The following DAAM1 variants were observed in gnomAD, a reference collection of about 807,000 sequenced individuals.
DAAM1 encodes disheveled-associated activator of morphogenesis 1.
DAAM1 carries 52 observed loss-of-function variants against 130.0 expected under a neutral mutation model. That is an observed-to-expected ratio of 0.40 (90% CI 0.32 to 0.50). DAAM1 has a LOEUF of 0.50. Among genes scored for constraint, DAAM1 ranks in the 20% least tolerant of loss-of-function variants. DAAM1 has a pLI of 0.61. For missense variants in DAAM1, 1,134 were observed against 1,303.8 expected, an observed-to-expected ratio of 0.87 and a Z score of 2.01; for synonymous variants, 452 against 444.5, an observed-to-expected ratio of 1.02 and a Z score of -0.21.
At chr14:59,295,852 A>G (rs1883937239) in intron 3 of DAAM1, among the ~76,000 whole-genome samples, 1 of 152,206 alleles carries the variant, frequency 6.6e-6, no homozygotes, top group African/African-American at 2.4e-5. Context: ...AGGGAAGAGA[A>G]GTTAGATGTC....
rs756141604 is a variant in DAAM1 at position 59,291,293 on chromosome 14, G to A, written c.260G>A (p.Cys87Tyr). ...GCTGAGAAAAAATGGCAAATATACT[G>A]TAGCAAGAAAAAGGTAAGATTTTCA... is the stretch of plus-strand genomic sequence containing the variant. Reference protein sequence around the residue: ...LPAEKKWQIYCSKKKDQEENK... With the variant: ...LPAEKKWQIYYSKKKDQEENK... Residue 87 changes from cysteine (C) to tyrosine (Y), a missense_variant, in exon 3 of 25, where the codon TGT becomes TAT. Physicochemically the swap from Cys to Tyr is radical, Grantham distance 194 (BLOSUM62 -2). Transcript: ENST00000360909. 3.7e-6 allele frequency: 6 copies of A among 1,608,122 alleles called. No individual in the cohort carries two copies. Among genetic ancestry groups the A allele is most frequent in the Non-Finnish European group, 5.1e-6 (6 of 1,178,236 alleles).
At chr14:59,196,754 CA>C (rs1041114015) in intron 1 of DAAM1, among the ~76,000 whole-genome samples, 2 of 151,122 alleles carry the variant, frequency 1.3e-5, no homozygotes, top group African/African-American at 4.9e-5. Context: ...AAAAACAAAA[CA>C]AAACAAAACA....
chr14:59,210,133 C>T (rs76558755), intron 1 of DAAM1, among the ~76,000 whole-genome samples: 9,100 of 152,116 alleles, frequency 0.06, 380 homozygotes, highest in Non-Finnish European at 0.09. Flanking sequence ...CTGAATGAGA[C>T]CCTGTCTCTA....
At chr14:59,213,601 A>G (rs931894161) in intron 1 of DAAM1, among the ~76,000 whole-genome samples, 5 of 152,184 alleles carry the variant, frequency 3.3e-5, no homozygotes, top group African/African-American at 1.2e-4. Flanking sequence ...TATGGAAAGA[A>G]AAATTGTTTA....
chr14:59,223,109 G>A (rs1209679093), intron 1 of DAAM1, among the ~76,000 whole-genome samples: 1 of 152,234 alleles, frequency 6.6e-6, no homozygotes, highest in Non-Finnish European at 1.5e-5. Flanking sequence ...TGCCCATGAG[G>A]CCATAGGTGC....
At chr14:59,306,224 A>G (rs1203785542) in intron 3 of DAAM1, among the ~76,000 whole-genome samples, 3 of 152,218 alleles carry the variant, frequency 2.0e-5, no homozygotes, top group Admixed American at 2.0e-4. Context: ...AAAGTTCAGA[A>G]ATGTGTAAGT....
intron 1 of DAAM1, among the ~76,000 whole-genome samples, chr14:59,262,576 A>T (rs1882218209): frequency 6.6e-6 from 1 of 152,046 alleles, no homozygotes; most frequent in Non-Finnish European, 1.5e-5. Context: ...ATGTACTCCT[A>T]TAGCATTTTC....
chr14:59,216,055 T>C (rs1439832124), intron 1 of DAAM1, among the ~76,000 whole-genome samples: 1 of 152,142 alleles, frequency 6.6e-6, no homozygotes, highest in African/African-American at 2.4e-5. Flanking sequence ...TGGAGTTTGC[T>C]ACACACAGGT....
At chr14:59,360,588 T>C (rs17834032) in intron 21 of DAAM1, 169,355 of 370,140 alleles carry the variant, frequency 0.46, 44,085 homozygotes, top group East Asian at 0.81. Context: ...CTGTAAAATA[T>C]ACCTGCTGGC....
chr14:59,367,503 T>C lies in DAAM1; in HGVS notation c.2901T>C (p.Asp967=). ...CAGATGAGTTCTTTGGCATTTTTGATCAATTTCTTCAAGCTGTGTCAGAAG... is the reference window on the plus strand; with the variant it reads ...CAGATGAGTTCTTTGGCATTTTTGACCAATTTCTTCAAGCTGTGTCAGAAG... ...IQPDEFFGIF[D]QFLQAVSEAK... The change falls in exon 24 of 25, where the codon GAT becomes GAC. Residue 967 remains aspartate (D), a synonymous_variant. Coordinates refer to ENST00000360909, the MANE Select transcript of DAAM1 (RefSeq NM_001270520.2). 6.2e-7 allele frequency: 1 copy of C among 1,613,930 alleles called. No individual in the cohort carries two copies. The highest frequency in any genetic ancestry group is 8.5e-7 in the Non-Finnish European group (1 of 1,179,914).
intron 3 of DAAM1, among the ~76,000 whole-genome samples, chr14:59,301,268 T>C (rs562773331): frequency 1.3e-5 from 2 of 152,168 alleles, no homozygotes; most frequent in South Asian, 4.2e-4. Flanking sequence ...GTTTAGAAAA[T>C]GAAAAGTATT....
In DAAM1 at chr14:59,331,238, A is replaced by T. The variant is rs1229498501; in HGVS notation, c.1590A>T (p.Gly530=). The change falls in exon 14 of 25, where the codon GGA becomes GGT. Residue 530 remains glycine (G), a synonymous_variant. Coordinates refer to ENST00000360909, the MANE Select transcript of DAAM1 (RefSeq NM_001270520.2). The part of the protein sequence containing the change: ...RRAVCASIPG[G]PSPGAPGGPF... ...CCGTCTGTGCTTCAATCCCAGGTGG[A>T]CCCTCGCCTGGAGCACCAGGAGGGC... The T allele has an allele frequency of 1.9e-6, 3 of 1,612,680 alleles. No individual in the cohort carries two copies. In the African/African-American group the frequency reaches 4.0e-5, roughly 22 times the overall value.
At chr14:59,281,375 A>G (rs1226316794) in intron 2 of DAAM1, among the ~76,000 whole-genome samples, 1 of 152,180 alleles carries the variant, frequency 6.6e-6, no homozygotes, top group Non-Finnish European at 1.5e-5. Context: ...GAAGTGGCGT[A>G]TTTAAAGGCA....
chr14:59,246,330 C>A (rs1278402799), intron 1 of DAAM1, among the ~76,000 whole-genome samples: 2 of 152,180 alleles, frequency 1.3e-5, no homozygotes, highest in African/African-American at 2.4e-5. Context: ...TTGTGTCTGG[C>A]TTATTTCACT....
Position 59,331,393 on chromosome 14 carries a change from C to T in DAAM1, c.1745C>T (p.Pro582Leu), listed in dbSNP as rs759706427. 6 of 1,613,588 alleles carry T rather than the reference C, an allele frequency of 3.7e-6. No individual in the cohort carries two copies. The highest frequency in any genetic ancestry group is 5.1e-6 in the Non-Finnish European group (6 of 1,179,968). The change falls in exon 14 of 25, where the codon CCC becomes CTC. Residue 582 changes from proline to leucine, a missense_variant. Around this residue, in one of 3 missense-constraint regions of DAAM1, gnomAD observed 644 missense variants for 695.9 expected, o/e 0.93. Coordinates refer to ENST00000360909, the MANE Select transcript of DAAM1 (RefSeq NM_001270520.2). ...CCTCCTCCTCCCCCAGGGCCTCCTC[C>T]CTTAGGGGCAATCATGCCACCTCCT... Reference protein sequence around the residue: ...GGPPPPPGPPPLGAIMPPPGA... With the variant: ...GGPPPPPGPPLLGAIMPPPGA...
intron 1 of DAAM1, among the ~76,000 whole-genome samples, chr14:59,236,012 A>T (rs888064548): frequency 6.6e-6 from 1 of 152,046 alleles, no homozygotes; most frequent in African/African-American, 2.4e-5. Flanking sequence ...TCCCTTTCTT[A>T]AAAAAAATCC....
At chr14:59,190,972 A>G (rs374300300) in intron 1 of DAAM1, among the ~76,000 whole-genome samples, 85 of 152,362 alleles carry the variant, frequency 5.6e-4, no homozygotes, top group African/African-American at 2.0e-3. Context: ...ATACTTTAGT[A>G]TTATAACTAA....
chr14:59,361,686 C>G (rs1312301979), intron 22 of DAAM1, among the ~76,000 whole-genome samples: 1 of 152,184 alleles, frequency 6.6e-6, no homozygotes, highest in Non-Finnish European at 1.5e-5. Flanking sequence ...TGCGGGTACT[C>G]TGCAGATGCA....
intron 23 of DAAM1, among the ~76,000 whole-genome samples, chr14:59,364,840 G>C (rs2139690688): frequency 6.6e-6 from 1 of 150,514 alleles, no homozygotes. Flanking sequence ...AATGGCTGCT[G>C]TCAGAGGTCC....
Sources: gnomAD v4.1 joint callset for allele counts (sites outside exome capture counted in the v4.1 genomes callset) on GRCh38, gnomAD v4.1.1 for gene constraint, gnomAD v4.1.1 regional missense constraint, MANE v1.5 for transcripts, NCBI Gene and HGNC (gene_info 2026-07-23, HGNC 2026-07-21) for gene names.